Variants in PRTFDC1 observed in about 807,000 individuals in gnomAD.
PRTFDC1 encodes the protein phosphoribosyl transferase domain containing 1.
PRTFDC1 carries 38 observed loss-of-function variants against 34.6 expected under a neutral mutation model. The observed-to-expected ratio is 1.10, with a 90% CI of 0.85 to 1.44. PRTFDC1 has a LOEUF of 1.44. Ranked by LOEUF, PRTFDC1 falls within the 40% of genes most tolerant of loss-of-function variation. The pLI, the probability that PRTFDC1 is intolerant of heterozygous loss-of-function variation, is 0.00. For missense variants in PRTFDC1, 270 were observed against 283.0 expected (o/e 0.95, Z 0.33); for synonymous variants, 93 against 98.1 (o/e 0.95, Z 0.31).
intron 3 of PRTFDC1, among the ~76,000 whole-genome samples, chr10:24,929,276 A>T (rs535868871): frequency 6.6e-6 from 1 of 152,258 alleles, no homozygotes; most frequent in South Asian, 2.1e-4. Context: ...TGAGAGAGAA[A>T]AAATGTATTT....
At chr10:24,905,079 G>T (rs1374137876) in intron 3 of PRTFDC1, among the ~76,000 whole-genome samples, 3 of 151,718 alleles carry the variant, frequency 2.0e-5, no homozygotes, top group African/African-American at 7.3e-5. Context: ...GGCCGAGGTG[G>T]GTGGATCACT....
chr10:24,947,708 C>T (rs1174380955), intron 1 of PRTFDC1, among the ~76,000 whole-genome samples: 4 of 152,062 alleles, frequency 2.6e-5, no homozygotes, highest in Non-Finnish European at 4.4e-5. Flanking sequence ...CTAATCTCTG[C>T]TCCTCTCCCC....
At chr10:24,885,214 T>C (rs556148251) in intron 3 of PRTFDC1, among the ~76,000 whole-genome samples, 1 of 152,356 alleles carries the variant, frequency 6.6e-6, no homozygotes, top group African/African-American at 2.4e-5. Context: ...CCATAAATGT[T>C]AGGGGCAAGC....
intron 3 of PRTFDC1, among the ~76,000 whole-genome samples, chr10:24,926,854 T>A (rs970134148): frequency 6.6e-6 from 1 of 152,240 alleles, no homozygotes; most frequent in Non-Finnish European, 1.5e-5. Flanking sequence ...ATTGATACTA[T>A]AATTTAATAA....
At chr10:24,903,008 C>T (rs1848472630) in intron 3 of PRTFDC1, among the ~76,000 whole-genome samples, 1 of 152,080 alleles carries the variant, frequency 6.6e-6, no homozygotes, top group Admixed American at 6.5e-5. Context: ...ACTAGCCTGG[C>T]CAACATAGTG....
chr10:24,898,871 AG>A (rs1289763383), intron 3 of PRTFDC1, among the ~76,000 whole-genome samples: 1 of 152,072 alleles, frequency 6.6e-6, no homozygotes, highest in Non-Finnish European at 1.5e-5. Flanking sequence ...TGCTATAAGG[AG>A]GGGGAGCCTC....
At chr10:24,913,421 C>T (rs1181932774) in intron 3 of PRTFDC1, among the ~76,000 whole-genome samples, 1 of 152,156 alleles carries the variant, frequency 6.6e-6, no homozygotes, top group Non-Finnish European at 1.5e-5. Context: ...AGAAAGTTCT[C>T]TATTGGGTAT....
intron 3 of PRTFDC1, among the ~76,000 whole-genome samples, chr10:24,926,734 A>C (rs995925277): frequency 2.0e-4 from 31 of 152,072 alleles, no homozygotes; most frequent in African/African-American, 7.2e-4. Flanking sequence ...ATTCCCCGAG[A>C]TGTCTGCTCC....
intron 3 of PRTFDC1, among the ~76,000 whole-genome samples, chr10:24,893,328 G>A (rs1286955832): frequency 6.6e-6 from 1 of 151,536 alleles, no homozygotes; most frequent in Non-Finnish European, 1.5e-5. Flanking sequence ...TTGTTCTGTT[G>A]CCTGGGCAGG....
chr10:24,853,215 C>T (rs910295834), intron 7 of PRTFDC1, among the ~76,000 whole-genome samples: 5 of 151,940 alleles, frequency 3.3e-5, no homozygotes, highest in South Asian at 2.1e-4. Flanking sequence ...AAGCCGGGTG[C>T]GCACCTGCAG....
intron 3 of PRTFDC1, among the ~76,000 whole-genome samples, chr10:24,877,115 C>T (rs1181978900): frequency 2.0e-5 from 3 of 152,236 alleles, no homozygotes; most frequent in African/African-American, 4.8e-5. Context: ...GTGATAGTCC[C>T]CTCCACAGGC....
intron 3 of PRTFDC1, among the ~76,000 whole-genome samples, chr10:24,888,856 C>G (rs148021022): frequency 3.9e-4 from 60 of 152,210 alleles, no homozygotes; most frequent in African/African-American, 1.3e-3. Context: ...GCAATGGTTT[C>G]CAGATGCAAT....
At chr10:24,872,971 C>T (rs931702384) in intron 3 of PRTFDC1, among the ~76,000 whole-genome samples, 7 of 151,212 alleles carry the variant, frequency 4.6e-5, no homozygotes, top group Non-Finnish European at 1.0e-4. Context: ...ACCACAGTGC[C>T]TGGCTAATTT....
At chr10:24,925,141 A>T (rs1275770700) in intron 3 of PRTFDC1, among the ~76,000 whole-genome samples, 1 of 152,208 alleles carries the variant, frequency 6.6e-6, no homozygotes, top group East Asian at 1.9e-4. Flanking sequence ...ATGCAGCCAT[A>T]AAAAAGGATG....
At chr10:24,882,905 C>A (rs1344886945) in intron 3 of PRTFDC1, among the ~76,000 whole-genome samples, 1 of 151,212 alleles carries the variant, frequency 6.6e-6, no homozygotes. Context: ...AATATGAATT[C>A]TTGATATTTT....
At chr10:24,875,213 A>G (rs76824844) in intron 3 of PRTFDC1, among the ~76,000 whole-genome samples, 2,750 of 152,350 alleles carry the variant, frequency 0.018, 95 homozygotes, top group African/African-American at 0.063. Context: ...TGATCAGATA[A>G]GGCTAATTAG....
At chr10:24,862,076 C>A (rs1847688891) in intron 4 of PRTFDC1, among the ~76,000 whole-genome samples, 1 of 151,972 alleles carries the variant, frequency 6.6e-6, no homozygotes, top group African/African-American at 2.4e-5. Flanking sequence ...AGTCTAAAGA[C>A]TTTCTAAATT....
At chr10:24,945,487 C>T (rs968285885) in intron 1 of PRTFDC1, among the ~76,000 whole-genome samples, 4 of 152,166 alleles carry the variant, frequency 2.6e-5, no homozygotes, top group African/African-American at 9.7e-5. Context: ...CAGAATCTCC[C>T]TCTGTTGCCT....
chr10:24,897,995 G>C (rs559772621), intron 3 of PRTFDC1, among the ~76,000 whole-genome samples: 9 of 152,230 alleles, frequency 5.9e-5, no homozygotes, highest in African/African-American at 1.9e-4. Flanking sequence ...AGGAAGACTT[G>C]AAAAGTATGT....
Sources: gnomAD v4.1 joint callset for allele counts (sites outside exome capture counted in the v4.1 genomes callset) on GRCh38, gnomAD v4.1.1 for gene constraint, MANE v1.5 for transcripts, NCBI Gene and HGNC (gene_info 2026-07-23, HGNC 2026-07-21) for gene names.